TDRD5: variants seen among roughly 807,000 people sequenced by gnomAD.
TDRD5 encodes tudor domain-containing protein 5.
Under a neutral mutation model 120.6 loss-of-function variants are expected in TDRD5, and 41 were observed. The ratio of observed to expected loss-of-function variants is 0.34; its 90% CI spans 0.26 to 0.44. TDRD5 has a LOEUF of 0.44. TDRD5 is among the 20% of genes least tolerant of loss of function. TDRD5 has a pLI of 1.00. For synonymous variants in TDRD5, 430 were observed against 433.7 expected (o/e 0.99, Z 0.11); for missense variants, 1,006 against 1,221.2 (o/e 0.82, Z 2.63).
chr1:179,688,669 C>CTT, intron 17 of TDRD5, among the ~76,000 whole-genome samples: 1 of 152,334 alleles, frequency 6.6e-6, no homozygotes, highest in Admixed American at 6.5e-5. Context: ...CTCCCCATCA[C>CTT]TTTCAGGTAC....
At chr1:179,644,265 T>A (rs186725202) in intron 11 of TDRD5, among the ~76,000 whole-genome samples, 1 of 152,328 alleles carries the variant, frequency 6.6e-6, no homozygotes, top group East Asian at 1.9e-4. Flanking sequence ...CTATTATTTT[T>A]AATTTTATTC....
intron 4 of TDRD5, among the ~76,000 whole-genome samples, chr1:179,600,362 C>G (rs1280308219): frequency 6.6e-6 from 1 of 152,126 alleles, no homozygotes; most frequent in Non-Finnish European, 1.5e-5. Context: ...ACAAATGCTA[C>G]TGTGTTACAG....
intron 17 of TDRD5, among the ~76,000 whole-genome samples, chr1:179,675,558 C>T (rs867463254): frequency 6.6e-5 from 10 of 152,072 alleles, no homozygotes; most frequent in Non-Finnish European, 1.2e-4. Flanking sequence ...GGATTACAGG[C>T]GTGAGCCACC....
chr1:179,668,586 A>T (rs1679676610), intron 16 of TDRD5, among the ~76,000 whole-genome samples: 1 of 152,100 alleles, frequency 6.6e-6, no homozygotes, highest in Admixed American at 6.5e-5. Context: ...AGTGAACATC[A>T]CTTCTCTCGT....
At chr1:179,593,050 T>G (rs1178983910) in intron 2 of TDRD5, among the ~76,000 whole-genome samples, 1 of 152,204 alleles carries the variant, frequency 6.6e-6, no homozygotes, top group African/African-American at 2.4e-5. Context: ...CAAACAATCG[T>G]GCACTCACAA....
chr1:179,601,905 A>G (rs982806043), intron 4 of TDRD5, among the ~76,000 whole-genome samples: 27 of 152,194 alleles, frequency 1.8e-4, no homozygotes, highest in African/African-American at 6.5e-4. Context: ...TCCTGGGTTC[A>G]AGCAGTTCTC....
At chr1:179,686,912 A>G (rs1390426874) in intron 17 of TDRD5, among the ~76,000 whole-genome samples, 2 of 141,172 alleles carry the variant, frequency 1.4e-5, no homozygotes, top group Non-Finnish European at 3.2e-5. Context: ...TTTTTATTGC[A>G]TCTATTTGAT....
chr1:179,613,128 A>G (rs750456271), intron 4 of TDRD5, among the ~76,000 whole-genome samples: 1 of 152,132 alleles, frequency 6.6e-6, no homozygotes, highest in Non-Finnish European at 1.5e-5. Context: ...ATTTGCACCT[A>G]AACAATTGAT....
At chr1:179,661,850 C>T (rs970454821) in intron 14 of TDRD5, among the ~76,000 whole-genome samples, 9 of 152,144 alleles carry the variant, frequency 5.9e-5, no homozygotes, top group South Asian at 2.1e-4. Flanking sequence ...ACTGCTTAAT[C>T]GGTTGTCACT....
At chr1:179,634,342 T>C in intron 7 of TDRD5, 115 bp from the exon 8 acceptor site, 1 of 1,035,098 alleles carries the variant, frequency 9.7e-7, no homozygotes, top group African/African-American at 1.6e-5. Context: ...TTCTAGCACC[T>C]GGTGTGTTGA....
At chr1:179,658,686 C>A (rs987918156) in intron 14 of TDRD5, among the ~76,000 whole-genome samples, 1 of 152,122 alleles carries the variant, frequency 6.6e-6, no homozygotes, top group African/African-American at 2.4e-5. Flanking sequence ...ATTAGTCTTA[C>A]TAGAGATTTA....
intron 17 of TDRD5, among the ~76,000 whole-genome samples, chr1:179,673,278 G>C (rs1454036689): frequency 2.0e-5 from 3 of 152,134 alleles, no homozygotes; most frequent in African/African-American, 7.2e-5. Flanking sequence ...TCTTTCAGCA[G>C]TGTTTTGTTT....
At chr1:179,659,586 TGTGTGC>T (rs1553332463) in intron 14 of TDRD5, among the ~76,000 whole-genome samples, 38,094 of 145,120 alleles carry the variant, frequency 0.26, 5,367 homozygotes, top group Admixed American at 0.35. Flanking sequence ...TGTGTGTGTG[TGTGTGC>T]GCGCGCTTGC....
At chr1:179,660,395 T>A (rs1221411372) in intron 14 of TDRD5, among the ~76,000 whole-genome samples, 2 of 151,972 alleles carry the variant, frequency 1.3e-5, no homozygotes, top group Non-Finnish European at 1.5e-5. Context: ...AATTTTTTTT[T>A]ATTTTCAGTA....
rs1679731577 is a variant in TDRD5, at chr1:179,669,282, C to A, written c.2738C>A (p.Ala913Glu). 2 of 1,614,044 alleles carry A rather than the reference C, an allele frequency of 1.2e-6. No homozygotes were observed. The highest frequency in any genetic ancestry group is 2.7e-5 in the African/African-American group (2 of 74,914). ...CTSLTQSEQS[A>E]DGSQSEPNNS... is the part of the protein sequence containing the mutation. ...TCTCTTACCCAGTCAGAGCAGTCAG[C>A]AGACGGGAGCCAGTCTGAACCCAAC... is the stretch of plus-strand genomic sequence containing the variant. Residue 913 changes from alanine (A) to glutamate (E), a missense_variant, in exon 17 of 18, where the codon GCA becomes GAA. By Grantham distance (107) the Ala-to-Glu change is moderately radical. Transcript: ENST00000444136.
At position 179,621,100 on chromosome 1, in the gene TDRD5, T is replaced by C; in HGVS notation, c.972+9T>C. On this transcript the variant is annotated intron_variant, in intron 6 of 17. Coordinates refer to ENST00000444136, the MANE Select transcript of TDRD5 (RefSeq NM_001199085.3). ...TGCTTGGAGAGTATGAGGTAAGTGT[T>C]TTGCTTTTCCCCAACCCTAATTTTT... 1.9e-6 allele frequency: 3 copies of C among 1,590,466 alleles called. 1 individual carries two copies. The South Asian group carries it at 3.5e-5, about 19-fold the overall frequency.
intron 15 of TDRD5, among the ~76,000 whole-genome samples, chr1:179,662,507 A>C (rs1441544287): frequency 2.0e-5 from 3 of 152,116 alleles, no homozygotes; most frequent in African/African-American, 7.2e-5. Flanking sequence ...TAGGAGGATC[A>C]GTGCTTGAGC....
intron 6 of TDRD5, among the ~76,000 whole-genome samples, chr1:179,628,653 G>C (rs1480183039): frequency 6.6e-6 from 1 of 151,936 alleles, no homozygotes; most frequent in Non-Finnish European, 1.5e-5. Context: ...AAAGCAGAAA[G>C]CATAACAAAG....
At chr1:179,619,311 A>G (rs1676723486) in intron 5 of TDRD5, among the ~76,000 whole-genome samples, 1 of 152,138 alleles carries the variant, frequency 6.6e-6, no homozygotes, top group South Asian at 2.1e-4. Flanking sequence ...TATTAGTCAC[A>G]TATATTTTTT....
Sources: allele counts gnomAD v4.1 joint callset (sites outside exome capture counted in the v4.1 genomes callset), GRCh38; gene constraint gnomAD v4.1.1; transcripts MANE v1.5; gene names NCBI Gene and HGNC (gene_info 2026-07-23, HGNC 2026-07-21).